Variants in PDLIM5 observed in about 807,000 individuals in gnomAD.
PDLIM5 encodes the protein PDZ and LIM domain 5.
PDLIM5 carries 34 observed loss-of-function variants against 64.2 expected under a neutral mutation model. That is an observed-to-expected ratio of 0.53 (90% CI 0.40 to 0.71). The LOEUF (loss-of-function observed/expected upper bound fraction) is 0.71, where lower values mean the gene tolerates loss of function less well. PDLIM5 is among the 30% of genes least tolerant of loss of function. The pLI is 0.00. For synonymous variants in PDLIM5, 253 were observed against 269.1 expected, an observed-to-expected ratio of 0.94 and a Z score of 0.59; for missense variants, 683 against 733.6, an observed-to-expected ratio of 0.93 and a Z score of 0.80.
rs1157638262 is a variant in PDLIM5, at chr4:94,524,230, G to A, written c.248+355G>A. ...CAAAACATAAAAAAATTAGCCAGGCGTGGTGGCGTGTGCCTGTAGTCCCAG... is the reference window on the plus strand; with the variant it reads ...CAAAACATAAAAAAATTAGCCAGGCATGGTGGCGTGTGCCTGTAGTCCCAG... On this transcript the variant is annotated intron_variant, in intron 3 of 12. Coordinates refer to ENST00000317968, the MANE Select transcript of PDLIM5 (RefSeq NM_006457.5). Among the ~76,000 whole-genome samples, 6 of 151,978 alleles carry A rather than the reference G, an allele frequency of 3.9e-5. No homozygotes were observed. The East Asian group carries it at 5.8e-4, about 15-fold the overall frequency.
chr4:94,508,597 A>G (rs1279621817), intron 2 of PDLIM5, among the ~76,000 whole-genome samples: 2 of 152,184 alleles, frequency 1.3e-5, no homozygotes, highest in Admixed American at 6.5e-5. Flanking sequence ...ATGCACTGAT[A>G]GGAGGAACCA....
At chr4:94,458,973 C>T (rs1001290494) in intron 2 of PDLIM5, among the ~76,000 whole-genome samples, 36 of 152,126 alleles carry the variant, frequency 2.4e-4, no homozygotes, top group African/African-American at 7.5e-4. Flanking sequence ...AAATGGAGTG[C>T]GGGCTACCTA....
At chr4:94,604,994 C>T (rs556289393) in intron 7 of PDLIM5, among the ~76,000 whole-genome samples, 1 of 152,194 alleles carries the variant, frequency 6.6e-6, no homozygotes, top group African/African-American at 2.4e-5. Context: ...TGAAGACTGA[C>T]AGTCAAGTGA....
chr4:94,551,212 T>C (rs1052127816), intron 3 of PDLIM5, among the ~76,000 whole-genome samples: 3 of 152,148 alleles, frequency 2.0e-5, no homozygotes, highest in African/African-American at 7.2e-5. Flanking sequence ...AAATCCACAG[T>C]TATTTTCTGT....
intron 7 of PDLIM5, among the ~76,000 whole-genome samples, chr4:94,609,563 G>T (rs945044470): frequency 6.6e-6 from 1 of 152,046 alleles, no homozygotes; most frequent in African/African-American, 2.4e-5. Context: ...TGTAACATTG[G>T]TTTATTTTCG....
At chr4:94,633,284 A>C (rs1193861253) in intron 8 of PDLIM5, among the ~76,000 whole-genome samples, 1 of 152,220 alleles carries the variant, frequency 6.6e-6, no homozygotes, top group Non-Finnish European at 1.5e-5. Context: ...AGTTTTTCAA[A>C]TAATGAATTG....
chr4:94,607,370 A>AT (rs1395917667), intron 7 of PDLIM5, among the ~76,000 whole-genome samples: 1 of 150,634 alleles, frequency 6.6e-6, no homozygotes, highest in East Asian at 2.0e-4. Context: ...TGAGTTCTTC[A>AT]TTTTTTCTTT....
At chr4:94,468,986 T>C (rs1356848176) in intron 2 of PDLIM5, among the ~76,000 whole-genome samples, 1 of 152,182 alleles carries the variant, frequency 6.6e-6, no homozygotes, top group Non-Finnish European at 1.5e-5. Context: ...ATAAATGTCA[T>C]CAGATCTAGG....
chr4:94,467,465 C>A (rs962660109), intron 2 of PDLIM5, among the ~76,000 whole-genome samples: 1 of 152,098 alleles, frequency 6.6e-6, no homozygotes, highest in African/African-American at 2.4e-5. Context: ...AGGCACCCAC[C>A]ACCATGCCTG....
At chr4:94,574,263 C>T (rs1349084811) in intron 4 of PDLIM5, among the ~76,000 whole-genome samples, 2 of 151,946 alleles carry the variant, frequency 1.3e-5, no homozygotes, top group African/African-American at 2.4e-5. Context: ...TTTGGGAGGC[C>T]GAGGCAGGCG....
chr4:94,553,913 C>T (rs759396579), intron 3 of PDLIM5, among the ~76,000 whole-genome samples: 3 of 152,098 alleles, frequency 2.0e-5, no homozygotes, highest in Admixed American at 6.6e-5. Flanking sequence ...TTCTGAAATA[C>T]ATTTTTAAAA....
At chr4:94,495,263 C>T (rs1258327061) in intron 2 of PDLIM5, among the ~76,000 whole-genome samples, 2 of 152,114 alleles carry the variant, frequency 1.3e-5, no homozygotes, top group Admixed American at 6.5e-5. Context: ...AAAGGTTCTA[C>T]TTGTGTTTGT....
At chr4:94,507,080 A>G (rs1416911119) in intron 2 of PDLIM5, among the ~76,000 whole-genome samples, 1 of 152,086 alleles carries the variant, frequency 6.6e-6, no homozygotes, top group Admixed American at 6.5e-5. Context: ...TGAAGGCTGC[A>G]CTGTAGGCGT....
intron 2 of PDLIM5, among the ~76,000 whole-genome samples, chr4:94,489,248 G>T (rs1239439297): frequency 6.6e-6 from 1 of 152,188 alleles, no homozygotes; most frequent in Non-Finnish European, 1.5e-5. Context: ...GCCTATCTAT[G>T]TCAGTCTGGA....
In PDLIM5 at chr4:94,618,167, A is replaced by C; in HGVS notation, c.1084A>C (p.Ser362Arg). 6.2e-7 allele frequency: 1 copy of C among 1,602,916 alleles called. No homozygotes were observed. Among genetic ancestry groups the C allele is most frequent in the Middle Eastern group, 1.7e-4 (1 of 6,012 alleles). ...VGSTGVIKSP[S>R]WQRPNQGVPS... ...ATCCACTGGCGTCATCAAGTCACCA[A>C]GCTGGCAACGGCCAAACCAAGGAGG... Residue 362 changes from serine to arginine, a missense_variant, in exon 8 of 13, where the codon AGC becomes CGC. Transcript: ENST00000317968.
intron 3 of PDLIM5, among the ~76,000 whole-genome samples, chr4:94,549,597 T>G (rs368352160): frequency 1.3e-5 from 2 of 152,168 alleles, no homozygotes. Context: ...TTATGAACAG[T>G]TTTTGAGCAA....
intron 2 of PDLIM5, among the ~76,000 whole-genome samples, chr4:94,462,315 T>C (rs1021691028): frequency 2.6e-5 from 4 of 152,180 alleles, no homozygotes; most frequent in African/African-American, 7.2e-5. Flanking sequence ...TCTATAGGTA[T>C]ATCTCCTCCC....
intron 2 of PDLIM5, chr4:94,489,049 T>C (rs1726608329): frequency 6.6e-6 from 1 of 152,236 alleles, no homozygotes; most frequent in Non-Finnish European, 1.5e-5. Flanking sequence ...CAGAAGATGC[T>C]CCTTTTGGAA....
intron 7 of PDLIM5, chr4:94,610,926 G>A (rs1738310792): frequency 3.4e-6 from 2 of 589,636 alleles, no homozygotes; most frequent in South Asian, 2.0e-5. Flanking sequence ...CTCCTTTGCT[G>A]CTTTGTGCTT....
Sources: gnomAD v4.1 joint callset for allele counts (sites outside exome capture counted in the v4.1 genomes callset) on GRCh38, gnomAD v4.1.1 for gene constraint, MANE v1.5 for transcripts, NCBI Gene and HGNC (gene_info 2026-07-23, HGNC 2026-07-21) for gene names.